Variants in CNTNAP2 observed in about 807,000 individuals in gnomAD.
The protein encoded by CNTNAP2 is contactin-associated protein-like 2.
A neutral mutation model predicts 155.2 loss-of-function variants in CNTNAP2; 98 were observed. The ratio of observed to expected loss-of-function variants is 0.63; its 90% CI spans 0.54 to 0.75. CNTNAP2 has a LOEUF of 0.75. Among genes scored for constraint, CNTNAP2 ranks in the 30% least tolerant of loss-of-function variants. The pLI, the probability that CNTNAP2 is intolerant of heterozygous loss-of-function variation, is 0.00. For missense variants in CNTNAP2, 1,727 were observed against 1,688.1 expected, an observed-to-expected ratio of 1.02 and a Z score of -0.40; for synonymous variants, 651 against 631.2, an observed-to-expected ratio of 1.03 and a Z score of -0.47.
intron 20 of CNTNAP2, among the ~76,000 whole-genome samples, chr7:148,231,895 C>T (rs1006680360): frequency 1.3e-5 from 2 of 152,098 alleles, no homozygotes; most frequent in Non-Finnish European, 2.9e-5. Flanking sequence ...GGAGATAGGA[C>T]GACAGGAGTG....
chr7:147,200,284 C>T (rs1802896499), intron 8 of CNTNAP2, among the ~76,000 whole-genome samples: 1 of 152,184 alleles, frequency 6.6e-6, no homozygotes, highest in Admixed American at 6.5e-5. Context: ...ACTCTGCTTA[C>T]AAACCAACAA....
chr7:148,369,638 T>TTTATTA (rs1294835972), intron 21 of CNTNAP2, among the ~76,000 whole-genome samples: 2 of 120,392 alleles, frequency 1.7e-5, no homozygotes, highest in African/African-American at 3.2e-5. Context: ...GTTGCTGTTC[T>TTTATTA]TTATCATTAT....
At chr7:146,964,782 C>T (rs1488519404) in intron 3 of CNTNAP2, among the ~76,000 whole-genome samples, 1 of 151,626 alleles carries the variant, frequency 6.6e-6, no homozygotes, top group Non-Finnish European at 1.5e-5. Flanking sequence ...CAGTTTCTGT[C>T]TCTATATTCA....
At chr7:147,614,740 A>T (rs1050981840) in intron 12 of CNTNAP2, among the ~76,000 whole-genome samples, 2 of 151,766 alleles carry the variant, frequency 1.3e-5, no homozygotes. Context: ...TTTGTGACTA[A>T]TTCTTTGAAC....
chr7:146,493,885 A>C (rs1473577195), intron 1 of CNTNAP2, among the ~76,000 whole-genome samples: 1 of 152,200 alleles, frequency 6.6e-6, no homozygotes, highest in Non-Finnish European at 1.5e-5. Context: ...AATGCTTTGT[A>C]TGAGGGAGAA....
At chr7:147,304,027 A>C (rs1343359211) in intron 9 of CNTNAP2, among the ~76,000 whole-genome samples, 1 of 152,122 alleles carries the variant, frequency 6.6e-6, no homozygotes, top group African/African-American at 2.4e-5. Context: ...AAATACGTCC[A>C]CATTTTGTTT....
At chr7:148,327,180 C>T (rs886672203) in intron 21 of CNTNAP2, among the ~76,000 whole-genome samples, 2 of 152,154 alleles carry the variant, frequency 1.3e-5, no homozygotes, top group Admixed American at 1.3e-4. Context: ...CTCCCAGGGG[C>T]TGCTGCAGTG....
chr7:147,856,176 T>G (rs1799035030), intron 13 of CNTNAP2, among the ~76,000 whole-genome samples: 1 of 151,346 alleles, frequency 6.6e-6, no homozygotes, highest in Admixed American at 6.6e-5. Context: ...GGAGCCCATA[T>G]AGGGTTTCTT....
At chr7:148,093,564 C>T (rs538820147) in intron 15 of CNTNAP2, among the ~76,000 whole-genome samples, 1 of 152,262 alleles carries the variant, frequency 6.6e-6, no homozygotes, top group African/African-American at 2.4e-5. Flanking sequence ...GAAAACATGA[C>T]GTCAGGAAGC....
intron 3 of CNTNAP2, among the ~76,000 whole-genome samples, chr7:146,842,936 C>A (rs1011014509): frequency 4.1e-5 from 6 of 147,740 alleles, no homozygotes; most frequent in Non-Finnish European, 6.0e-5. Flanking sequence ...CTGCCTGCCT[C>A]GGCCTCCCAA....
intron 19 of CNTNAP2, among the ~76,000 whole-genome samples, chr7:148,226,031 CT>C (rs993072222): frequency 3.3e-5 from 5 of 152,286 alleles, no homozygotes; most frequent in African/African-American, 1.2e-4. Flanking sequence ...CTCAATGCCA[CT>C]GTGTCTCCTC....
Position 147,751,690 on chromosome 7 carries a change from C to T in CNTNAP2, c.2098+112384C>T, listed in dbSNP as rs12703974. Among the ~76,000 whole-genome samples the T allele has an allele frequency of 1.6e-4, 24 of 152,284 alleles. No individual in the cohort carries two copies. The East Asian group carries it at 2.3e-3, about 15-fold the overall frequency. On this transcript the variant is annotated intron_variant, in intron 13 of 23. Coordinates refer to ENST00000361727, the MANE Select transcript of CNTNAP2 (RefSeq NM_014141.6). ...TTGATTCTTTAATAAGTTCGAATGACGACATCAAAAATATACACAGCCTAT... is the reference window on the plus strand; with the variant it reads ...TTGATTCTTTAATAAGTTCGAATGATGACATCAAAAATATACACAGCCTAT...
chr7:147,874,638 G>A (rs1799392426), intron 13 of CNTNAP2, among the ~76,000 whole-genome samples: 1 of 152,252 alleles, frequency 6.6e-6, no homozygotes, highest in Admixed American at 6.5e-5. Flanking sequence ...ATATGTCCTG[G>A]AGACATTTTC....
chr7:146,377,876 G>A (rs1795325497), intron 1 of CNTNAP2, among the ~76,000 whole-genome samples: 1 of 152,196 alleles, frequency 6.6e-6, no homozygotes, highest in South Asian at 2.1e-4. Flanking sequence ...TGCAAATTCT[G>A]ATTCAATAGG....
intron 15 of CNTNAP2, among the ~76,000 whole-genome samples, chr7:148,025,796 A>G (rs928420760): frequency 1.3e-4 from 20 of 152,210 alleles, no homozygotes; most frequent in African/African-American, 3.6e-4. Context: ...TCTCATCTTA[A>G]GCCTAATGAA....
intron 1 of CNTNAP2, among the ~76,000 whole-genome samples, chr7:146,509,288 C>T (rs1226516344): frequency 6.6e-6 from 1 of 152,132 alleles, no homozygotes; most frequent in Non-Finnish European, 1.5e-5. Flanking sequence ...GTTGCCTTGC[C>T]CCTGTGCTAA....
At chr7:146,771,758 C>T (rs1802296379) in intron 1 of CNTNAP2, among the ~76,000 whole-genome samples, 1 of 152,036 alleles carries the variant, frequency 6.6e-6, no homozygotes, top group Admixed American at 6.6e-5. Context: ...TTCATTTCTC[C>T]AGTATCATTG....
chr7:146,732,327 T>C (rs182173603), intron 1 of CNTNAP2, among the ~76,000 whole-genome samples: 2 of 152,180 alleles, frequency 1.3e-5, no homozygotes, highest in Non-Finnish European at 2.9e-5. Context: ...CTTCACATGT[T>C]ATGACTTTGT....
intron 1 of CNTNAP2, among the ~76,000 whole-genome samples, chr7:146,691,970 C>T (rs1800704933): frequency 6.6e-6 from 1 of 152,114 alleles, no homozygotes. Flanking sequence ...AAACCCATTA[C>T]GAATGTTCTG....
Sources: allele counts gnomAD v4.1 joint callset (sites outside exome capture counted in the v4.1 genomes callset), GRCh38; gene constraint gnomAD v4.1.1; transcripts MANE v1.5; gene names NCBI Gene and HGNC (gene_info 2026-07-23, HGNC 2026-07-21).